Variants in EPHA6 observed in about 807,000 individuals in gnomAD.
EPHA6 encodes EPH receptor A6, also known as ephrin type-A receptor 6.
EPHA6 carries 50 observed loss-of-function variants against 112.0 expected under a neutral mutation model. The observed-to-expected ratio is 0.45, with a 90% CI of 0.36 to 0.56. The LOEUF is 0.56. EPHA6 is among the 20% of genes least tolerant of loss of function. The probability of loss-of-function intolerance (pLI) is 0.00; values close to 1 mark genes in which losing one functional copy is unlikely to be tolerated. For missense variants in EPHA6, 1,280 were observed against 1,417.4 expected (o/e 0.90, Z 1.56); for synonymous variants, 529 against 490.7 (o/e 1.08, Z -1.03).
At chr3:97,302,629 AT>A (rs2081141220) in intron 5 of EPHA6, among the ~76,000 whole-genome samples, 1 of 151,878 alleles carries the variant, frequency 6.6e-6, no homozygotes, top group South Asian at 2.1e-4. Context: ...TAAAAAATAA[AT>A]TGTCAGAAAT....
At chr3:97,061,550 G>C (rs1455481000) in intron 3 of EPHA6, among the ~76,000 whole-genome samples, 1 of 152,068 alleles carries the variant, frequency 6.6e-6, no homozygotes, top group Admixed American at 6.6e-5. Flanking sequence ...AACAATGTTT[G>C]GTTTAAAATG....
intron 6 of EPHA6, among the ~76,000 whole-genome samples, chr3:97,430,717 A>G (rs752724275): frequency 3.3e-5 from 5 of 152,158 alleles, no homozygotes; most frequent in Non-Finnish European, 5.9e-5. Flanking sequence ...TAAATGAACC[A>G]CTTTTTATAA....
intron 3 of EPHA6, among the ~76,000 whole-genome samples, chr3:97,222,714 C>T (rs372396401): frequency 1.3e-5 from 2 of 152,140 alleles, no homozygotes; most frequent in Non-Finnish European, 2.9e-5. Context: ...TATGCATAAT[C>T]TTCTACAGGA....
At chr3:96,846,678 A>G (rs2035092526) in intron 1 of EPHA6, among the ~76,000 whole-genome samples, 1 of 152,064 alleles carries the variant, frequency 6.6e-6, no homozygotes, top group Admixed American at 6.6e-5. Context: ...CATTTGGTTC[A>G]GTGAAAAAAA....
intron 15 of EPHA6, among the ~76,000 whole-genome samples, chr3:97,729,806 C>G (rs546350479): frequency 6.6e-6 from 1 of 151,444 alleles, no homozygotes; most frequent in African/African-American, 2.4e-5. Flanking sequence ...ATATAAATAT[C>G]CTAATCTGTA....
chr3:97,149,639 A>C (rs2076123275), intron 3 of EPHA6, among the ~76,000 whole-genome samples: 1 of 151,970 alleles, frequency 6.6e-6, no homozygotes, highest in Non-Finnish European at 1.5e-5. Flanking sequence ...TGAGAAACTC[A>C]AAAATTGCAT....
At chr3:97,318,182 T>C (rs116766424) in intron 5 of EPHA6, among the ~76,000 whole-genome samples, 27 of 151,986 alleles carry the variant, frequency 1.8e-4, no homozygotes, top group African/African-American at 6.0e-4. Context: ...AAGTCCAGAA[T>C]CATTTTAAAA....
intron 2 of EPHA6, among the ~76,000 whole-genome samples, chr3:96,920,322 G>A (rs968301332): frequency 3.3e-5 from 5 of 151,722 alleles, no homozygotes; most frequent in African/African-American, 1.2e-4. Flanking sequence ...CAGATTTAAG[G>A]GCATAACATT....
chr3:96,906,824 T>C (rs780757545), intron 2 of EPHA6, among the ~76,000 whole-genome samples: 1 of 151,896 alleles, frequency 6.6e-6, no homozygotes, highest in Non-Finnish European at 1.5e-5. Context: ...CCTAGAGGTA[T>C]AGGAGAAACC....
chr3:97,636,841 T>C (rs1027916338), intron 13 of EPHA6, among the ~76,000 whole-genome samples: 1 of 152,158 alleles, frequency 6.6e-6, no homozygotes, highest in African/African-American at 2.4e-5. Context: ...TACTGCTAGA[T>C]ATTCATTTTT....
intron 14 of EPHA6, among the ~76,000 whole-genome samples, chr3:97,641,686 C>G (rs2094006488): frequency 6.6e-6 from 1 of 152,188 alleles, no homozygotes; most frequent in Admixed American, 6.5e-5. Flanking sequence ...GACGGACGCA[C>G]CTGGAAAATC....
At chr3:96,847,662 A>G (rs1399479715) in intron 1 of EPHA6, among the ~76,000 whole-genome samples, 2 of 152,152 alleles carry the variant, frequency 1.3e-5, no homozygotes, top group Non-Finnish European at 2.9e-5. Flanking sequence ...AGAATTATAC[A>G]AGAAGTTATT....
chr3:97,323,998 A>G (rs1433739599), intron 5 of EPHA6, among the ~76,000 whole-genome samples: 2 of 152,022 alleles, frequency 1.3e-5, no homozygotes, highest in Non-Finnish European at 2.9e-5. Context: ...AAAAAAATGC[A>G]GCTTCTGTTG....
In EPHA6 at chr3:96,909,424, AT is replaced by A. The variant is rs758038369; in HGVS notation, c.450+42543del. The stretch of plus-strand genomic sequence containing the variant: ...ATAGAAATCTTCAAATACTAGTTTG[AT>A]TTTTTTTAATTTTCTAGTAATTCCT... On this transcript the variant is annotated intron_variant, in intron 2 of 17. Coordinates refer to ENST00000389672, the MANE Select transcript of EPHA6 (RefSeq NM_001080448.3). Among the ~76,000 whole-genome samples, 5 of 151,898 alleles carry A rather than the reference AT, an allele frequency of 3.3e-5. No individual in the cohort carries two copies. In the East Asian group the frequency reaches 7.7e-4, roughly 23 times the overall value.
intron 14 of EPHA6, among the ~76,000 whole-genome samples, chr3:97,655,091 ATTATATG>A (rs1380913447): frequency 1.4e-5 from 2 of 147,944 alleles, no homozygotes; most frequent in African/African-American, 4.9e-5. Context: ...AAATATATAT[ATTATATG>A]TTATATATTA....
chr3:97,226,668 CCTA>C (rs1467427624), intron 4 of EPHA6, among the ~76,000 whole-genome samples: 3 of 152,106 alleles, frequency 2.0e-5, no homozygotes, highest in Non-Finnish European at 4.4e-5. Context: ...GGTTTGAGGC[CCTA>C]CAAGTTTTCC....
At chr3:97,306,405 T>G (rs2081322311) in intron 5 of EPHA6, among the ~76,000 whole-genome samples, 1 of 150,674 alleles carries the variant, frequency 6.6e-6, no homozygotes, top group Non-Finnish European at 1.5e-5. Context: ...ATACAAGTAC[T>G]AGGGCATTAG....
chr3:97,536,266 T>C (rs935871229), intron 11 of EPHA6, among the ~76,000 whole-genome samples: 4 of 152,126 alleles, frequency 2.6e-5, no homozygotes, highest in African/African-American at 9.7e-5. Context: ...GCAAGAACTA[T>C]GGTTTAATGA....
chr3:97,503,938 G>C (rs146990976), intron 10 of EPHA6, among the ~76,000 whole-genome samples: 3 of 152,270 alleles, frequency 2.0e-5, no homozygotes, highest in African/African-American at 7.2e-5. Context: ...CCTCCAGAAT[G>C]CTGGGAAATG....
Sources: allele counts gnomAD v4.1 joint callset (sites outside exome capture counted in the v4.1 genomes callset), GRCh38; gene constraint gnomAD v4.1.1; transcripts MANE v1.5; gene names NCBI Gene and HGNC (gene_info 2026-07-23, HGNC 2026-07-21).